Variants in ATOSA observed in about 807,000 individuals in gnomAD.
The protein encoded by ATOSA is atos homolog A, also known as atos homolog protein A.
the ATOSA span, chr15:52,658,708 G>C: frequency 3.5e-6 from 1 of 285,932 alleles, no homozygotes; most frequent in Non-Finnish European, 6.1e-6. Flanking sequence ...GCTCATGCTT[G>C]TAATTCCAGA....
At chr15:52,628,555 G>A in the ATOSA span, among the ~76,000 whole-genome samples, 1 of 152,012 alleles carries the variant, frequency 6.6e-6, no homozygotes, top group South Asian at 2.1e-4. Context: ...ATCTGAATTT[G>A]TTACCATAAC....
At chr15:52,629,141 GA>G in the ATOSA span, among the ~76,000 whole-genome samples, 2 of 152,000 alleles carry the variant, frequency 1.3e-5, no homozygotes, top group Non-Finnish European at 1.5e-5. Context: ...AGTTTTTTTG[GA>G]TTGCTTTTAA....
the ATOSA span, among the ~76,000 whole-genome samples, chr15:52,705,535 G>GA: frequency 6.7e-6 from 1 of 150,238 alleles, no homozygotes; most frequent in African/African-American, 2.4e-5. Flanking sequence ...AGAAAGAAGA[G>GA]AAAAAAAAAA....
the ATOSA span, among the ~76,000 whole-genome samples, chr15:52,583,110 C>T: frequency 1.1e-4 from 16 of 152,202 alleles, no homozygotes; most frequent in Non-Finnish European, 2.1e-4. Flanking sequence ...TCACTCTTCC[C>T]TCCTTTCTGA....
At chr15:52,618,286 G>T in the ATOSA span, among the ~76,000 whole-genome samples, 1 of 152,130 alleles carries the variant, frequency 6.6e-6, no homozygotes, top group African/African-American at 2.4e-5. Flanking sequence ...TGATCCACCT[G>T]CCTCGGCCTC....
At chr15:52,609,497 G>C in the ATOSA span, 9 of 1,613,816 alleles carry the variant, frequency 5.6e-6, no homozygotes, top group Non-Finnish European at 7.6e-6. Context: ...CCTATCAAAG[G>C]ATTAGTCTCT....
chr15:52,695,698 A>G, the ATOSA span, among the ~76,000 whole-genome samples: 1 of 152,230 alleles, frequency 6.6e-6, no homozygotes, highest in African/African-American at 2.4e-5. Context: ...GAAAAAATTG[A>G]GCAGAATAAG....
At chr15:52,665,248 CT>C in the ATOSA span, among the ~76,000 whole-genome samples, 3 of 152,134 alleles carry the variant, frequency 2.0e-5, no homozygotes, top group African/African-American at 7.2e-5. Flanking sequence ...TGTGTACCCC[CT>C]GAATCTAAAA....
chr15:52,697,182 G>A, the ATOSA span, among the ~76,000 whole-genome samples: 1 of 151,978 alleles, frequency 6.6e-6, no homozygotes, highest in African/African-American at 2.4e-5. Flanking sequence ...TCGGCTTATG[G>A]CCCTTTCATT....
the ATOSA span, among the ~76,000 whole-genome samples, chr15:52,614,941 A>G: frequency 6.6e-6 from 1 of 152,210 alleles, no homozygotes; most frequent in South Asian, 2.1e-4. Flanking sequence ...GTCTTATGTC[A>G]TATTTTTAGC....
the ATOSA span, among the ~76,000 whole-genome samples, chr15:52,689,368 C>T: frequency 1.3e-5 from 2 of 152,060 alleles, no homozygotes; most frequent in Non-Finnish European, 2.9e-5. Flanking sequence ...TCAGGATGTA[C>T]CATGATTCTT....
chr15:52,664,748 C>A, the ATOSA span, among the ~76,000 whole-genome samples: 1 of 152,090 alleles, frequency 6.6e-6, no homozygotes, highest in Non-Finnish European at 1.5e-5. Flanking sequence ...TTCCAGACCT[C>A]GGCAACATAG....
At chr15:52,592,327 A>G in the ATOSA span, among the ~76,000 whole-genome samples, 5 of 152,186 alleles carry the variant, frequency 3.3e-5, no homozygotes, top group Non-Finnish European at 7.3e-5. Context: ...GTAACACCTA[A>G]AATGAAAACC....
At chr15:52,649,142 C>CA in the ATOSA span, among the ~76,000 whole-genome samples, 2 of 152,042 alleles carry the variant, frequency 1.3e-5, no homozygotes, top group African/African-American at 4.8e-5. Context: ...ACAGTTTATG[C>CA]AAAAACACTG....
the ATOSA span, among the ~76,000 whole-genome samples, chr15:52,663,860 A>G: frequency 5.3e-5 from 8 of 152,140 alleles, no homozygotes; most frequent in African/African-American, 1.7e-4. Context: ...TCCTGGGCTC[A>G]AGCAATCTTC....
chr15:52,642,623 T>C, the ATOSA span, among the ~76,000 whole-genome samples: 1 of 152,194 alleles, frequency 6.6e-6, no homozygotes, highest in Non-Finnish European at 1.5e-5. Context: ...GCTGTTTTGC[T>C]TTTTGTGACT....
At chr15:52,582,866 T>C in the ATOSA span, among the ~76,000 whole-genome samples, 1 of 152,226 alleles carries the variant, frequency 6.6e-6, no homozygotes, top group South Asian at 2.1e-4. Context: ...AAACTGTATA[T>C]GAAACTGTTT....
At chr15:52,631,940 T>C in the ATOSA span, among the ~76,000 whole-genome samples, 2 of 152,160 alleles carry the variant, frequency 1.3e-5, no homozygotes, top group African/African-American at 4.8e-5. Context: ...GGAGCCTTGC[T>C]ATGTTACCCA....
chr15:52,651,778 C>A, the ATOSA span: 1 of 1,224,130 alleles, frequency 8.2e-7, no homozygotes, highest in East Asian at 2.5e-5. Flanking sequence ...ATTAAAAATC[C>A]ATGCAAAGCA....
Sources: gnomAD v4.1 joint callset for allele counts (sites outside exome capture counted in the v4.1 genomes callset) on GRCh38, gnomAD v4.1.1 for gene constraint, MANE v1.5 for transcripts, NCBI Gene and HGNC (gene_info 2026-07-23, HGNC 2026-07-21) for gene names.